Variants in GNA14 observed in about 807,000 individuals in gnomAD.
GNA14 encodes guanine nucleotide-binding protein subunit alpha-14.
Under a neutral mutation model 42.0 loss-of-function variants are expected in GNA14, and 50 were observed. The ratio of observed to expected loss-of-function variants is 1.19; its 90% CI spans 0.95 to 1.51. GNA14 has a LOEUF of 1.51. Among genes scored for constraint, GNA14 ranks in the 40% most tolerant of loss-of-function variants. GNA14 has a pLI of 0.00. For synonymous variants in GNA14, 173 were observed against 163.1 expected, an observed-to-expected ratio of 1.06 and a Z score of -0.46; for missense variants, 473 against 446.2, an observed-to-expected ratio of 1.06 and a Z score of -0.54.
chr9:77,466,715 T>C (rs1836234747), intron 2 of GNA14, among the ~76,000 whole-genome samples: 2 of 152,178 alleles, frequency 1.3e-5, no homozygotes, highest in African/African-American at 4.8e-5. Context: ...CTGGACACTT[T>C]AGATAATACA....
At chr9:77,589,484 G>A (rs1321557026) in intron 1 of GNA14, among the ~76,000 whole-genome samples, 1 of 152,056 alleles carries the variant, frequency 6.6e-6, no homozygotes, top group Non-Finnish European at 1.5e-5. Context: ...ATCACCTTAG[G>A]GTTCAGATAT....
Position 77,426,400 on chromosome 9 carries a change from A to G in GNA14, c.724-685T>C, listed in dbSNP as rs1336403806. 3.3e-5 allele frequency among the ~76,000 whole-genome samples: 5 copies of G among 151,736 alleles called. No individual in the cohort carries two copies. The East Asian group carries it at 7.8e-4, about 24-fold the overall frequency. On this transcript the variant is annotated intron_variant, in intron 5 of 6. Transcript: ENST00000341700. ...GCTCACTACAACCTCCAGCTCCTGC[A>G]TTCAAGTGATTCTCCTGCCTCAGCC...
chr9:77,433,845 A>G (rs1467086876), intron 3 of GNA14, among the ~76,000 whole-genome samples: 1 of 152,198 alleles, frequency 6.6e-6, no homozygotes, highest in Admixed American at 6.5e-5. Flanking sequence ...CTGCGAGCGC[A>G]GCCTCCTATC....
intron 1 of GNA14, among the ~76,000 whole-genome samples, chr9:77,546,960 T>G (rs1486004083): frequency 6.6e-6 from 1 of 152,188 alleles, no homozygotes; most frequent in Admixed American, 6.5e-5. Flanking sequence ...TTCTCCAGAG[T>G]ATCCTGGTCC....
At chr9:77,594,664 T>C (rs996467513) in intron 1 of GNA14, among the ~76,000 whole-genome samples, 4 of 152,196 alleles carry the variant, frequency 2.6e-5, no homozygotes, top group Non-Finnish European at 5.9e-5. Context: ...CTGTTGTCTC[T>C]AAAAGGTGAA....
At chr9:77,630,205 C>A (rs1228227814) in intron 1 of GNA14, among the ~76,000 whole-genome samples, 2 of 151,352 alleles carry the variant, frequency 1.3e-5, no homozygotes, top group African/African-American at 4.9e-5. Flanking sequence ...GCAGCTTCAA[C>A]TTCCTGGGCT....
At chr9:77,425,812 G>T in intron 5 of GNA14, 97 bp from the exon 6 acceptor site, 1 of 936,492 alleles carries the variant, frequency 1.1e-6, no homozygotes, top group Non-Finnish European at 1.6e-6. Context: ...CCCTTGCCCC[G>T]CCGCAGTCTC....
At chr9:77,438,608 A>G (rs932475794) in intron 2 of GNA14, among the ~76,000 whole-genome samples, 6 of 150,546 alleles carry the variant, frequency 4.0e-5, no homozygotes, top group African/African-American at 7.3e-5. Flanking sequence ...GTGAAATAAT[A>G]TAAGACTTGC....
intron 2 of GNA14, among the ~76,000 whole-genome samples, chr9:77,467,000 G>GGTGT (rs59321037): frequency 0.18 from 25,298 of 143,422 alleles, 2,241 homozygotes; most frequent in South Asian, 0.28. Context: ...TTTACCACTC[G>GGTGT]GTGTGTGTGT....
At chr9:77,454,134 G>A (rs956723357) in intron 2 of GNA14, among the ~76,000 whole-genome samples, 11 of 152,144 alleles carry the variant, frequency 7.2e-5, no homozygotes, top group Admixed American at 6.5e-5. Context: ...TCCACTACCT[G>A]CGTAGTTCCA....
intron 1 of GNA14, among the ~76,000 whole-genome samples, chr9:77,622,384 C>T (rs917323958): frequency 2.6e-5 from 4 of 152,112 alleles, no homozygotes; most frequent in Non-Finnish European, 4.4e-5. Flanking sequence ...AAGTGTAGAA[C>T]CCCTTCAACA....
At chr9:77,433,252 C>T (rs962387454) in intron 3 of GNA14, among the ~76,000 whole-genome samples, 43 of 152,246 alleles carry the variant, frequency 2.8e-4, no homozygotes, top group African/African-American at 1.0e-3. Flanking sequence ...GAAGATGATA[C>T]GGGACAGGTG....
Position 77,434,432 on chromosome 9 carries a change from C to A in GNA14, c.400G>T (p.Asp134Tyr), listed in dbSNP as rs147763222. The A allele has an allele frequency of 6.2e-7, 1 of 1,614,058 alleles. No homozygotes were observed. Among genetic ancestry groups the A allele is most frequent in the Non-Finnish European group, 8.5e-7 (1 of 1,179,914 alleles). The change falls in exon 3 of 7, where the codon GAT (aspartate) becomes TAT (tyrosine). Residue 134 changes from aspartate (D) to tyrosine (Y), a missense_variant. Physicochemically the swap from Asp to Tyr is radical, Grantham distance 160 (BLOSUM62 -3). Transcript: ENST00000341700. ...QVEAIKQLWQDPGIQECYDRR... is the reference protein window; with the variant it reads ...QVEAIKQLWQYPGIQECYDRR... The stretch of plus-strand genomic sequence containing the variant: ...TCGTAACACTCCTGGATGCCTGGAT[C>A]TTGCCAGAGCTGCTTGATGGCCTCC...
chr9:77,462,197 C>T (rs1283995943), intron 2 of GNA14, among the ~76,000 whole-genome samples: 2 of 152,124 alleles, frequency 1.3e-5, no homozygotes, highest in South Asian at 2.1e-4. Context: ...GTCTTTGCCC[C>T]GCAGCTCTTT....
intron 1 of GNA14, among the ~76,000 whole-genome samples, chr9:77,622,752 G>A (rs1293195349): frequency 7.7e-6 from 1 of 129,174 alleles, no homozygotes; most frequent in Admixed American, 7.7e-5. Context: ...AAAATAGCCA[G>A]GCGTGGTGGC....
chr9:77,577,121 G>GC (rs1823141131), intron 1 of GNA14, among the ~76,000 whole-genome samples: 1 of 152,194 alleles, frequency 6.6e-6, no homozygotes, highest in Admixed American at 6.5e-5. Flanking sequence ...CACCAGAGGT[G>GC]CTTGCTAATA....
chr9:77,486,930 T>G (rs955352709), intron 2 of GNA14, among the ~76,000 whole-genome samples: 21 of 151,776 alleles, frequency 1.4e-4, no homozygotes, highest in Non-Finnish European at 1.0e-4. Context: ...ATCAAAACTT[T>G]CCAGAGACAT....
At chr9:77,542,116 G>A (rs1050325411) in intron 1 of GNA14, among the ~76,000 whole-genome samples, 2 of 152,006 alleles carry the variant, frequency 1.3e-5, no homozygotes, top group African/African-American at 4.8e-5. Flanking sequence ...CCTGTTTCCT[G>A]TGTTTTTACG....
chr9:77,457,211 GAGAA>G (rs1836015719), intron 2 of GNA14, among the ~76,000 whole-genome samples: 1 of 152,238 alleles, frequency 6.6e-6, no homozygotes, highest in Admixed American at 6.5e-5. Context: ...GGGAGCGAGA[GAGAA>G]AGAGAGAGAC....
Sources: allele counts gnomAD v4.1 joint callset (sites outside exome capture counted in the v4.1 genomes callset), GRCh38; gene constraint gnomAD v4.1.1; transcripts MANE v1.5; gene names NCBI Gene and HGNC (gene_info 2026-07-23, HGNC 2026-07-21).